The following TUB variants were observed in gnomAD, a reference collection of about 807,000 sequenced individuals.
TUB encodes the protein TUB bipartite transcription factor.
Under a neutral mutation model 59.7 loss-of-function variants are expected in TUB, and 33 were observed. The ratio of observed to expected loss-of-function variants is 0.55; its 90% CI spans 0.42 to 0.74. The LOEUF is 0.74. TUB is among the 30% of genes least tolerant of loss of function. TUB has a pLI of 0.00. For synonymous variants in TUB, 293 were observed against 256.4 expected, an observed-to-expected ratio of 1.14 and a Z score of -1.36; for missense variants, 659 against 672.0, an observed-to-expected ratio of 0.98 and a Z score of 0.21.
rs1164636368 is a variant in TUB at position 8,097,325 on chromosome 11, G to T, written c.785G>T (p.Gly262Val). The change falls in exon 7 of 12, where the codon GGT (glycine) becomes GTT (valine). Residue 262 changes from glycine (G) to valine (V), a missense_variant. Around this residue, in one of 3 missense-constraint regions of TUB, gnomAD observed 112 missense variants for 156.9 expected, o/e 0.71. Transcript: ENST00000299506. ...EEFALRPAPQ[G>V]ITIKCRITRD... ...TTTGCACTGAGGCCGGCCCCCCAGG[G>T]TATCACCATCAAATGCCGCATCACT... 2 of 1,614,028 alleles carry T rather than the reference G, an allele frequency of 1.2e-6. No individual in the cohort carries two copies. Among genetic ancestry groups the T allele is most frequent in the Admixed American group, 1.7e-5 (1 of 60,002 alleles).
intron 1 of TUB, among the ~76,000 whole-genome samples, chr11:8,086,761 T>C (rs951712850): frequency 1.4e-4 from 21 of 152,220 alleles, no homozygotes; most frequent in African/African-American, 4.6e-4. Context: ...CTGTGCATGC[T>C]CCTTTCCTTC....
chr11:8,097,855 G>A (rs772447553), intron 8 of TUB, 29 bp downstream of exon 8: 2 of 1,578,378 alleles, frequency 1.3e-6, no homozygotes, highest in South Asian at 2.2e-5. Flanking sequence ...GAAGCAGGCG[G>A]GAGTGGGAGG....
chr11:8,032,419 G>A (rs975149005), intron 1 of TUB, among the ~76,000 whole-genome samples: 13 of 152,240 alleles, frequency 8.5e-5, no homozygotes, highest in Non-Finnish European at 1.9e-4. Context: ...CCTGTGGGCA[G>A]CAAGTTTGGA....
intron 5 of TUB, among the ~76,000 whole-genome samples, chr11:8,095,954 G>A (rs1464150853): frequency 6.6e-6 from 1 of 152,232 alleles, no homozygotes; most frequent in Non-Finnish European, 1.5e-5. Flanking sequence ...AGCAGGGCCA[G>A]GATACCAAGA....
intron 5 of TUB, among the ~76,000 whole-genome samples, chr11:8,096,133 G>GTCTCAA (rs977732821): frequency 1.1e-4 from 17 of 152,206 alleles, no homozygotes; most frequent in Non-Finnish European, 2.4e-4. Flanking sequence ...GAGACAACTT[G>GTCTCAA]AGGATGGGGA....
chr11:8,069,456 G>A (rs899173902), intron 2 of TUB: 3 of 151,406 alleles, frequency 2.0e-5, no homozygotes, highest in Non-Finnish European at 2.9e-5. Context: ...TCTTAGAGTA[G>A]ATTTCTGGGT....
intron 1 of TUB, among the ~76,000 whole-genome samples, chr11:8,025,271 T>C (rs1436412047): frequency 6.6e-6 from 1 of 152,084 alleles, no homozygotes; most frequent in Non-Finnish European, 1.5e-5. Flanking sequence ...GTGTGTGCTG[T>C]GTCATATAGT....
At chr11:8,065,847 G>C (rs563281965) in intron 2 of TUB, among the ~76,000 whole-genome samples, 2 of 152,258 alleles carry the variant, frequency 1.3e-5, no homozygotes, top group Non-Finnish European at 2.9e-5. Context: ...GTTGTGTGTG[G>C]CCTTGTGACA....
At chr11:8,083,153 G>A (rs1943602568) in intron 1 of TUB, among the ~76,000 whole-genome samples, 1 of 152,216 alleles carries the variant, frequency 6.6e-6, no homozygotes, top group Admixed American at 6.5e-5. Context: ...CCCATGGAGC[G>A]TCATCAACCT....
At chr11:8,045,856 C>T (rs1410714225) in intron 2 of TUB, among the ~76,000 whole-genome samples, 1 of 152,120 alleles carries the variant, frequency 6.6e-6, no homozygotes, top group African/African-American at 2.4e-5. Flanking sequence ...GAGGACCCTC[C>T]CTGATCTGAT....
intron 6 of TUB, 30 bp downstream of exon 6, chr11:8,096,836 T>A (rs548623810): frequency 6.2e-7 from 1 of 1,612,624 alleles, no homozygotes; most frequent in Non-Finnish European, 8.5e-7. Context: ...TCCACAGCAG[T>A]TTTTGGAGGA....
intron 2 of TUB, among the ~76,000 whole-genome samples, chr11:8,060,428 G>T (rs1022756094): frequency 6.6e-6 from 1 of 152,190 alleles, no homozygotes; most frequent in Admixed American, 6.5e-5. Context: ...ACAGTGGTTA[G>T]GAGTCATGGG....
chr11:8,048,498 C>CTCAA (rs56050829), intron 2 of TUB, among the ~76,000 whole-genome samples: 32,267 of 151,852 alleles, frequency 0.21, 3,811 homozygotes, highest in African/African-American at 0.31. Context: ...AAGTCCTGGG[C>CTCAA]TCAAGTGATC....
At position 8,101,336 on chromosome 11, in the gene TUB, GCCTTTGTTTTACTTC is replaced by G; in HGVS notation, c.1388-142_1388-128del. ...TCTTTCCTGCCACTTCTCCCAATTG[GCCTTTGTTTTACTTC>G]CCTTTGTGATTCCCCTGGCATCTCT... On this transcript the variant is annotated intron_variant, in intron 11 of 11. Coordinates refer to ENST00000299506, the MANE Select transcript of TUB (RefSeq NM_177972.3). The G allele has an allele frequency of 3.9e-6, 4 of 1,026,582 alleles. No individual in the cohort carries two copies. In the South Asian group the frequency reaches 4.5e-5, roughly 12 times the overall value. 63.6% of individuals were successfully genotyped at this position (1,026,582 alleles called of 1,614,324 possible).
At chr11:8,032,005 G>A (rs1037045688) in intron 1 of TUB, among the ~76,000 whole-genome samples, 1 of 152,230 alleles carries the variant, frequency 6.6e-6, no homozygotes, top group Non-Finnish European at 1.5e-5. Flanking sequence ...TGCTCGGGAA[G>A]GGGCTGGAGG....
rs1043838596 is a variant in TUB at position 8,101,785 on chromosome 11, C to T, written c.*166C>T. The T allele has an allele frequency of 1.0e-5, 13 of 1,280,192 alleles. No homozygotes were observed. The highest frequency in any genetic ancestry group is 1.4e-5 in the Non-Finnish European group (13 of 956,920). 79.3% of individuals were successfully genotyped at this position (1,280,192 alleles called of 1,614,324 possible). ...CAGCCAGGAACTGGCTCCTTTGCCT[C>T]TGCTACTGAGGCAGGGGAGTAGTGG... On this transcript the variant is annotated 3_prime_UTR_variant, in exon 12 of 12. Coordinates refer to ENST00000299506, the MANE Select transcript of TUB (RefSeq NM_177972.3).
At chr11:8,030,078 G>C (rs1465325013) in intron 1 of TUB, among the ~76,000 whole-genome samples, 3 of 152,144 alleles carry the variant, frequency 2.0e-5, no homozygotes, top group Non-Finnish European at 4.4e-5. Context: ...TGGGGCTCAG[G>C]GTGATTTATG....
chr11:8,090,628 C>T (rs1288373719), intron 3 of TUB, among the ~76,000 whole-genome samples: 1 of 152,202 alleles, frequency 6.6e-6, no homozygotes, highest in East Asian at 1.9e-4. Flanking sequence ...ACCAGTGTCT[C>T]AGTACAAACA....
intron 2 of TUB, among the ~76,000 whole-genome samples, chr11:8,047,171 C>T (rs1942848283): frequency 6.6e-6 from 1 of 152,166 alleles, no homozygotes; most frequent in Non-Finnish European, 1.5e-5. Context: ...GCCCCCCAAA[C>T]TCATGTACTC....
Sources: allele counts gnomAD v4.1 joint callset (sites outside exome capture counted in the v4.1 genomes callset), GRCh38; gene constraint gnomAD v4.1.1; regional missense constraint gnomAD v4.1.1; transcripts MANE v1.5; gene names NCBI Gene and HGNC (gene_info 2026-07-23, HGNC 2026-07-21).